Variants in TMEM38B observed in about 807,000 individuals in gnomAD.
The protein encoded by TMEM38B is transmembrane protein 38B, also known as trimeric intracellular cation channel type B.
TMEM38B carries 24 observed loss-of-function variants against 28.7 expected under a neutral mutation model. The observed-to-expected ratio is 0.84, with a 90% CI of 0.61 to 1.18. The LOEUF is 1.18. Among genes scored for constraint, TMEM38B ranks in the 50% most tolerant of loss-of-function variants. The pLI is 0.00. For missense variants in TMEM38B, 380 were observed against 350.9 expected, an observed-to-expected ratio of 1.08 and a Z score of -0.66; for synonymous variants, 131 against 127.7, an observed-to-expected ratio of 1.03 and a Z score of -0.17.
intron 5 of TMEM38B, among the ~76,000 whole-genome samples, chr9:105,761,955 C>G (rs1838067661): frequency 2.0e-5 from 3 of 152,058 alleles, no homozygotes; most frequent in African/African-American, 7.2e-5. Context: ...TGCCTCTCAT[C>G]TTAAAACAAG....
At chr9:105,749,999 C>A (rs539753599) in intron 5 of TMEM38B, among the ~76,000 whole-genome samples, 15 of 152,304 alleles carry the variant, frequency 9.8e-5, no homozygotes, top group South Asian at 8.3e-4. Flanking sequence ...TGTGAGATTT[C>A]CAATTTCACC....
rs141597117 is a variant in TMEM38B, at chr9:105,774,115, T to A, written c.*35T>A. On this transcript the variant is annotated 3_prime_UTR_variant, in exon 6 of 6. Coordinates refer to ENST00000374692, the MANE Select transcript of TMEM38B (RefSeq NM_018112.3). ...ATGAGCTCTACAAGGCCAAAAATTT[T>A]TTTTCTTATCTACCTGTTATATTGT... 3.4e-3 allele frequency: 5,320 copies of A among 1,587,436 alleles called. 192 individuals carry two copies. In the Admixed American group the frequency reaches 0.07, roughly 21 times the overall value.
At chr9:105,716,592 G>A (rs1836105260) in intron 2 of TMEM38B, among the ~76,000 whole-genome samples, 1 of 116,964 alleles carries the variant, frequency 8.5e-6, no homozygotes, top group African/African-American at 4.1e-5. Flanking sequence ...TAGTTTTGTT[G>A]TAAGTACAGT....
intron 5 of TMEM38B, among the ~76,000 whole-genome samples, chr9:105,750,697 C>A (rs1195101544): frequency 6.6e-6 from 1 of 152,152 alleles, no homozygotes; most frequent in East Asian, 1.9e-4. Context: ...CTTTGTGTGT[C>A]ATAGCTAAGA....
At chr9:105,711,090 ATATATCCATCAT>A (rs1055677037) in intron 2 of TMEM38B, among the ~76,000 whole-genome samples, 1 of 152,250 alleles carries the variant, frequency 6.6e-6, no homozygotes, top group Non-Finnish European at 1.5e-5. Context: ...TAATGAAGTT[ATATATCCATCAT>A]TTAGATTAGG....
chr9:105,749,696 G>A (rs1033919647), intron 5 of TMEM38B, among the ~76,000 whole-genome samples: 14 of 152,142 alleles, frequency 9.2e-5, no homozygotes, highest in Non-Finnish European at 1.6e-4. Flanking sequence ...AAGAAACATC[G>A]TATTCTTTAG....
intron 2 of TMEM38B, among the ~76,000 whole-genome samples, chr9:105,714,239 A>G (rs1457852823): frequency 6.6e-6 from 1 of 152,112 alleles, no homozygotes; most frequent in Non-Finnish European, 1.5e-5. Flanking sequence ...ACTCAACAGG[A>G]TGACCTGCCT....
rs1826435671 is a variant in TMEM38B, at chr9:105,768,189, TA to T, written c.661-5675del. 2.0e-5 allele frequency among the ~76,000 whole-genome samples: 3 copies of T among 152,162 alleles called. No individual in the cohort carries two copies. In the South Asian group the frequency reaches 6.2e-4, roughly 31 times the overall value. ...TCTTCTGTATCATTTAAAATAATCA[TA>T]GGGGTTTTCTCTTATATTCTGTTAA... is the stretch of plus-strand genomic sequence containing the variant. On this transcript the variant is annotated intron_variant, in intron 5 of 5. Coordinates refer to ENST00000374692, the MANE Select transcript of TMEM38B (RefSeq NM_018112.3).
intron 2 of TMEM38B, chr9:105,710,522 G>C (rs1313283356): frequency 1.4e-5 from 17 of 1,177,250 alleles, no homozygotes; most frequent in Non-Finnish European, 2.2e-5. Flanking sequence ...ATCCCCCTGG[G>C]CAAACTGTAT....
intron 5 of TMEM38B, among the ~76,000 whole-genome samples, chr9:105,770,586 T>A (rs1826512936): frequency 6.6e-6 from 1 of 152,176 alleles, no homozygotes; most frequent in African/African-American, 2.4e-5. Context: ...TTTAATTTAT[T>A]TGAATCATTC....
chr9:105,730,130 G>A (rs577164635), intron 4 of TMEM38B, among the ~76,000 whole-genome samples: 1 of 152,148 alleles, frequency 6.6e-6, no homozygotes, highest in Non-Finnish European at 1.5e-5. Flanking sequence ...TAGGAGTGGT[G>A]AGAGAGGGCA....
At position 105,705,588 on chromosome 9, in the gene TMEM38B, C is replaced by T. The variant is rs770355210; in HGVS notation, c.113-9C>T. The stretch of plus-strand genomic sequence containing the variant: ...TGATCACAGACCATATTTTACTTTA[C>T]CATTTCAGGAGCAGCTGCATTGGCA... On this transcript the variant is annotated splice_polypyrimidine_tract_variant and intron_variant, in intron 1 of 5. Coordinates refer to ENST00000374692, the MANE Select transcript of TMEM38B (RefSeq NM_018112.3). The T allele has an allele frequency of 6.2e-7, 1 of 1,609,536 alleles. No homozygotes were observed. The highest frequency in any genetic ancestry group is 8.5e-7 in the Non-Finnish European group (1 of 1,177,368).
chr9:105,732,921 T>C (rs746772057), intron 4 of TMEM38B, among the ~76,000 whole-genome samples: 1 of 152,194 alleles, frequency 6.6e-6, no homozygotes, highest in African/African-American at 2.4e-5. Flanking sequence ...TTTCACAATA[T>C]TGATTCTTCC....
intron 4 of TMEM38B, among the ~76,000 whole-genome samples, chr9:105,744,435 G>A (rs1248533550): frequency 6.6e-6 from 1 of 151,984 alleles, no homozygotes; most frequent in Non-Finnish European, 1.5e-5. Context: ...GCAAAGAATA[G>A]GATCGTAGCA....
intron 4 of TMEM38B, among the ~76,000 whole-genome samples, chr9:105,723,922 G>A (rs545027707): frequency 2.6e-5 from 4 of 151,446 alleles, no homozygotes; most frequent in South Asian, 2.1e-4. Context: ...TGCAACCTCC[G>A]CCTCCCAGGT....
chr9:105,749,312 A>T (rs1837556619), intron 5 of TMEM38B: 3 of 214,958 alleles, frequency 1.4e-5, no homozygotes, highest in South Asian at 1.3e-4. Context: ...TCACATTTCC[A>T]CATGGCTGGG....
intron 5 of TMEM38B, among the ~76,000 whole-genome samples, chr9:105,753,551 A>G (rs978841148): frequency 6.6e-6 from 1 of 152,224 alleles, no homozygotes; most frequent in South Asian, 2.1e-4. Context: ...CCAGAATTTC[A>G]TATCCAGCCA....
intron 1 of TMEM38B, among the ~76,000 whole-genome samples, chr9:105,695,728 G>A (rs1835264163): frequency 6.6e-6 from 1 of 152,184 alleles, no homozygotes; most frequent in African/African-American, 2.4e-5. Context: ...TCTGGAGGAT[G>A]ATGCTGTATC....
chr9:105,748,077 G>C lies in TMEM38B; in HGVS notation c.547G>C (p.Ala183Pro), dbSNP rs746804615. The change falls in exon 5 of 6, where the codon GCC (alanine) becomes CCC (proline). Residue 183 changes from alanine (A) to proline (P), a missense_variant. By Grantham distance (27) the Ala-to-Pro change is conservative. Coordinates refer to ENST00000374692, the MANE Select transcript of TMEM38B (RefSeq NM_018112.3). ...TAAAATGTGTTTTATTTTCAGCCCTGCCAAGGTAACCCTGCTGGGGTCAGT... is the reference window on the plus strand; with the variant it reads ...TAAAATGTGTTTTATTTTCAGCCCTCCCAAGGTAACCCTGCTGGGGTCAGT... ...GDEWLKMSYP[A>P]KVTLLGSVIF... The C allele has an allele frequency of 6.2e-7, 1 of 1,610,608 alleles. No individual in the cohort carries two copies. The highest frequency in any genetic ancestry group is 1.7e-5 in the Admixed American group (1 of 59,684).
Sources: gnomAD v4.1 joint callset for allele counts (sites outside exome capture counted in the v4.1 genomes callset) on GRCh38, gnomAD v4.1.1 for gene constraint, MANE v1.5 for transcripts, NCBI Gene and HGNC (gene_info 2026-07-23, HGNC 2026-07-21) for gene names.